Variants in ACER3 observed in about 807,000 individuals in gnomAD.
ACER3 encodes the protein alkCDase 3.
Under a neutral mutation model 48.9 loss-of-function variants are expected in ACER3, and 16 were observed. The observed-to-expected ratio is 0.33, with a 90% CI of 0.22 to 0.50. The LOEUF (loss-of-function observed/expected upper bound fraction) is 0.50. ACER3 is among the 20% of genes least tolerant of loss of function. The pLI, the probability that ACER3 is intolerant of heterozygous loss-of-function variation, is 0.98. For missense variants in ACER3, 227 were observed against 326.0 expected, an observed-to-expected ratio of 0.70 and a Z score of 2.34; for synonymous variants, 109 against 107.8, an observed-to-expected ratio of 1.01 and a Z score of -0.07.
chr11:77,015,717 G>C (rs1406242993), intron 8 of ACER3, among the ~76,000 whole-genome samples: 1 of 152,164 alleles, frequency 6.6e-6, no homozygotes, highest in Non-Finnish European at 1.5e-5. Context: ...ACAGAGAAGA[G>C]AGGAGGGTAC....
At chr11:76,906,064 C>T (rs1377885521) in intron 1 of ACER3, among the ~76,000 whole-genome samples, 3 of 152,202 alleles carry the variant, frequency 2.0e-5, no homozygotes, top group Non-Finnish European at 2.9e-5. Flanking sequence ...CACAGGCTGG[C>T]TGCCTTCGCT....
chr11:77,014,961 A>T, intron 7 of ACER3, 55 bp from the exon 8 acceptor site: 1 of 1,058,606 alleles, frequency 9.4e-7, no homozygotes, highest in Non-Finnish European at 1.5e-6. Flanking sequence ...TCAATTTCTG[A>T]TCGTGACATG....
chr11:76,878,345 G>A (rs1945437479), intron 1 of ACER3, among the ~76,000 whole-genome samples: 1 of 152,094 alleles, frequency 6.6e-6, no homozygotes, highest in South Asian at 2.1e-4. Flanking sequence ...TTGGTCTCAT[G>A]ACCCCTTTAC....
intron 5 of ACER3, among the ~76,000 whole-genome samples, chr11:76,986,948 C>T (rs534759828): frequency 1.3e-5 from 2 of 152,206 alleles, no homozygotes; most frequent in Admixed American, 6.5e-5. Context: ...CCCCTGTAAT[C>T]GCAGCTACTC....
chr11:76,863,781 G>T (rs1223726245), intron 1 of ACER3, among the ~76,000 whole-genome samples: 5 of 152,082 alleles, frequency 3.3e-5, no homozygotes, highest in African/African-American at 1.2e-4. Flanking sequence ...CAAAAAGAAG[G>T]TATTATTATC....
intron 7 of ACER3, among the ~76,000 whole-genome samples, chr11:77,010,419 C>A (rs1949239368): frequency 7.4e-6 from 1 of 135,338 alleles, no homozygotes; most frequent in African/African-American, 3.1e-5. Flanking sequence ...AGAAGCCACT[C>A]TGAGTATAGG....
At chr11:76,896,375 T>C (rs1945929687) in intron 1 of ACER3, among the ~76,000 whole-genome samples, 3 of 151,952 alleles carry the variant, frequency 2.0e-5, no homozygotes, top group Admixed American at 6.6e-5. Flanking sequence ...AAAAAACTAG[T>C]GGGGTGGGCC....
At chr11:76,998,607 G>T in intron 6 of ACER3, 156 bp from the exon 7 acceptor site, 1 of 557,832 alleles carries the variant, frequency 1.8e-6, no homozygotes. Flanking sequence ...GCATGATTTA[G>T]TGATTTAACA....
chr11:77,026,110 C>G lies in ACER3; in HGVS notation c.*5783C>G, dbSNP rs1359419613. 2.0e-5 allele frequency: 3 copies of G among 152,166 alleles called. No individual in the cohort carries two copies. Among genetic ancestry groups the G allele is most frequent in the Non-Finnish European group, 4.4e-5 (3 of 68,030 alleles). 9.4% of individuals were successfully genotyped at this position (152,166 alleles called of 1,614,324 possible). ...TTTAGTTTTCAATATAAAGGGAATTCCATTCTATACTGTAAAATCCAAAAA... is the reference window on the plus strand; with the variant it reads ...TTTAGTTTTCAATATAAAGGGAATTGCATTCTATACTGTAAAATCCAAAAA... On this transcript the variant is annotated 3_prime_UTR_variant, in exon 11 of 11. Coordinates refer to ENST00000532485, the MANE Select transcript of ACER3 (RefSeq NM_018367.7).
At chr11:76,919,249 C>T (rs931807890) in intron 1 of ACER3, among the ~76,000 whole-genome samples, 1 of 152,126 alleles carries the variant, frequency 6.6e-6, no homozygotes, top group South Asian at 2.1e-4. Flanking sequence ...GTTGGAAAAC[C>T]GTTTAGATTG....
At chr11:77,008,569 GTTA>G (rs1555021499) in intron 7 of ACER3, among the ~76,000 whole-genome samples, 1 of 152,132 alleles carries the variant, frequency 6.6e-6, no homozygotes, top group Admixed American at 6.5e-5. Flanking sequence ...TAAAGTCTTA[GTTA>G]TCTTGGTAAT....
intron 7 of ACER3, among the ~76,000 whole-genome samples, chr11:77,011,024 G>A (rs1420041435): frequency 1.3e-5 from 2 of 152,168 alleles, no homozygotes; most frequent in African/African-American, 4.8e-5. Context: ...CGAGTGCGTG[G>A]GATACAAGAC....
chr11:76,994,529 G>T (rs764802143), intron 6 of ACER3, among the ~76,000 whole-genome samples: 2 of 152,216 alleles, frequency 1.3e-5, no homozygotes, highest in African/African-American at 2.4e-5. Flanking sequence ...GCATCCCAAA[G>T]TGCTGGGATT....
chr11:77,011,445 G>T, intron 7 of ACER3: 1 of 916,856 alleles, frequency 1.1e-6, no homozygotes, highest in Non-Finnish European at 1.3e-6. Flanking sequence ...TCATATTTCA[G>T]TACCTGGCCC....
chr11:76,935,857 A>G (rs1193435195), intron 2 of ACER3, among the ~76,000 whole-genome samples: 1 of 152,216 alleles, frequency 6.6e-6, no homozygotes, highest in African/African-American at 2.4e-5. Flanking sequence ...CAATACCCAC[A>G]TATGGCTTGT....
intron 1 of ACER3, among the ~76,000 whole-genome samples, chr11:76,919,918 G>C (rs1244466457): frequency 6.6e-6 from 1 of 152,124 alleles, no homozygotes; most frequent in Non-Finnish European, 1.5e-5. Context: ...AATTGTGGTC[G>C]TTATCAATTT....
chr11:76,958,208 CAG>C (rs1947893618), intron 2 of ACER3, among the ~76,000 whole-genome samples: 1 of 124,780 alleles, frequency 8.0e-6, no homozygotes, highest in African/African-American at 3.1e-5. Flanking sequence ...TTTTTTGAGA[CAG>C]AGTTTTGCTC....
At chr11:76,930,024 G>C (rs1184182485) in intron 2 of ACER3, among the ~76,000 whole-genome samples, 1 of 150,974 alleles carries the variant, frequency 6.6e-6, no homozygotes, top group Non-Finnish European at 1.5e-5. Flanking sequence ...CTGTTGATTG[G>C]AATAGTTTCA....
chr11:77,003,733 A>G (rs1949079850), intron 7 of ACER3, among the ~76,000 whole-genome samples: 1 of 151,996 alleles, frequency 6.6e-6, no homozygotes, highest in South Asian at 2.1e-4. Flanking sequence ...ACAGCTTTTT[A>G]TATGTTGTAT....
Sources: gnomAD v4.1 joint callset for allele counts (sites outside exome capture counted in the v4.1 genomes callset) on GRCh38, gnomAD v4.1.1 for gene constraint, MANE v1.5 for transcripts, NCBI Gene and HGNC (gene_info 2026-07-23, HGNC 2026-07-21) for gene names.